MDH1B: variants seen among roughly 807,000 people sequenced by gnomAD.
MDH1B encodes malate dehydrogenase 1B.
Under a neutral mutation model 61.4 loss-of-function variants are expected in MDH1B, and 60 were observed. The ratio of observed to expected loss-of-function variants is 0.98; its 90% CI spans 0.79 to 1.21. MDH1B has a LOEUF of 1.21. Among genes scored for constraint, MDH1B ranks in the 50% most tolerant of loss-of-function variants. The probability of loss-of-function intolerance (pLI) is 0.00; values close to 1 mark genes in which losing one functional copy is unlikely to be tolerated. For synonymous variants in MDH1B, 236 were observed against 218.7 expected (o/e 1.08, Z -0.70); for missense variants, 587 against 632.1 (o/e 0.93, Z 0.76).
intron 6 of MDH1B, among the ~76,000 whole-genome samples, chr2:206,750,280 AGTAAT>A (rs1190396905): frequency 8.6e-5 from 13 of 151,282 alleles, no homozygotes; most frequent in African/African-American, 3.2e-4. Context: ...CTTTATTGGG[AGTAAT>A]CCATTTTATC....
Position 206,755,175 on chromosome 2 carries a change from A to G in MDH1B, c.744T>C (p.His248=), listed in dbSNP as rs1254987226. The G allele has an allele frequency of 6.2e-7, 1 of 1,614,096 alleles. No homozygotes were observed. Among genetic ancestry groups the G allele is most frequent in the Non-Finnish European group, 8.5e-7 (1 of 1,180,048 alleles). The part of the protein sequence containing the change: ...LYGYLIEKNA[H]ESVRVIVGGR... ...CTCCCACGATGACTCTGACAGACTC[A>G]TGAGCATTTTTCTCTATCAGGTACC... The change falls in exon 5 of 12, where the codon CAT becomes CAC. Residue 248 remains histidine (H), a synonymous_variant. Coordinates refer to ENST00000374412, the MANE Select transcript of MDH1B (RefSeq NM_001039845.3).
intron 6 of MDH1B, among the ~76,000 whole-genome samples, chr2:206,750,721 A>G (rs1688387331): frequency 6.6e-6 from 1 of 152,210 alleles, no homozygotes; most frequent in African/African-American, 2.4e-5. Flanking sequence ...GAAGGATCTG[A>G]AATATAAAAA....
chr2:206,757,813 A>T (rs11896295), intron 2 of MDH1B, among the ~76,000 whole-genome samples: 2,644 of 152,328 alleles, frequency 0.017, 86 homozygotes, highest in African/African-American at 0.059. Context: ...GTTCAGACTA[A>T]ATTAATAAGC....
In MDH1B at chr2:206,755,211, G is replaced by A. The variant is rs776960562; in HGVS notation, c.708C>T (p.Cys236=). 5.6e-6 allele frequency: 9 copies of A among 1,614,054 alleles called. No individual in the cohort carries two copies. The highest frequency in any genetic ancestry group is 6.8e-6 in the Non-Finnish European group (8 of 1,180,032). ...TCTCTATCAGGTACCCATAGAGCCT[G>A]CAGAGAGGCACCCTGCTTCGGAGGC... ...EDCLRSRVPL[C]RLYGYLIEKN... Residue 236 remains cysteine, a synonymous_variant, in exon 5 of 12, where the codon TGC becomes TGT. Coordinates refer to ENST00000374412, the MANE Select transcript of MDH1B (RefSeq NM_001039845.3).
At chr2:206,759,737 A>G (rs1317192213) in intron 2 of MDH1B, among the ~76,000 whole-genome samples, 2 of 152,242 alleles carry the variant, frequency 1.3e-5, no homozygotes, top group African/African-American at 4.8e-5. Flanking sequence ...GTTAAAGGAC[A>G]TGCTGCCACA....
intron 1 of MDH1B, 137 bp from the exon 2 acceptor site, chr2:206,761,150 C>T (rs1422358676): frequency 6.2e-6 from 3 of 484,520 alleles, no homozygotes; most frequent in Non-Finnish European, 1.1e-5. Flanking sequence ...GTATAAACTG[C>T]TATTACATAA....
At chr2:206,748,423 C>T (rs992916414) in intron 7 of MDH1B, among the ~76,000 whole-genome samples, 12 of 152,158 alleles carry the variant, frequency 7.9e-5, no homozygotes, top group Non-Finnish European at 8.8e-5. Flanking sequence ...TAGTTTTTAG[C>T]GGATTAAAAC....
In MDH1B at chr2:206,756,796, C is replaced by T. The variant is rs1688786176; in HGVS notation, c.413+102G>A. On this transcript the variant is annotated intron_variant, in intron 4 of 11. Transcript: ENST00000374412. Reference sequence around the variant, plus strand: ...GTATACATACACACAAATTTCAAACCTGACATTCAGGTATTCTTCCATCAT... The same window carrying T: ...GTATACATACACACAAATTTCAAACTTGACATTCAGGTATTCTTCCATCAT... 32 of 1,315,184 alleles carry T rather than the reference C, an allele frequency of 2.4e-5. No homozygotes were observed. In the South Asian group the frequency reaches 4.0e-4, roughly 16 times the overall value. The allele number at this position is 1,315,184 out of a possible 1,614,324, so 81.5% of individuals were successfully genotyped here.
chr2:206,747,676 C>T (rs1431375417), intron 7 of MDH1B, among the ~76,000 whole-genome samples: 2 of 152,138 alleles, frequency 1.3e-5, no homozygotes, highest in Non-Finnish European at 2.9e-5. Flanking sequence ...AAAACAGGCA[C>T]ACTATAATAT....
At chr2:206,745,894 C>CAGCT (rs1459040244) in intron 8 of MDH1B, among the ~76,000 whole-genome samples, 2 of 152,080 alleles carry the variant, frequency 1.3e-5, no homozygotes, top group Admixed American at 6.6e-5. Context: ...CCACCATGCC[C>CAGCT]AGCTAATTTT....
In MDH1B at chr2:206,760,937, C is replaced by A. The variant is rs2105955338; in HGVS notation, c.99G>T (p.Arg33=). The A allele has an allele frequency of 6.2e-7, 1 of 1,612,818 alleles. No individual in the cohort carries two copies. ...CAGGACGTTGTGTGATTTTATGTAT[C>A]CGAAAATCAGGAAGATTCTTTTGTA... The part of the protein sequence containing the change: ...DYLQKNLPDF[R]IHKITQRPEV... Residue 33 remains arginine, a synonymous_variant, in exon 2 of 12, where the codon CGG becomes CGT. Transcript: ENST00000374412.
Position 206,749,013 on chromosome 2 carries a change from G to C in MDH1B, c.1216+7C>G, listed in dbSNP as rs1379446604. On this transcript the variant is annotated splice_region_variant and intron_variant, in intron 7 of 11. Transcript: ENST00000374412. The stretch of plus-strand genomic sequence containing the variant: ...GATTTTACAAGATATGAAAAACCCA[G>C]ATTTACCTTCACTCAATATTCCTAA... The C allele has an allele frequency of 6.2e-7, 1 of 1,611,820 alleles. No individual in the cohort carries two copies. The highest frequency in any genetic ancestry group is 8.5e-7 in the Non-Finnish European group (1 of 1,179,072).
rs768688261 is a variant in MDH1B at position 206,746,298 on chromosome 2, C to T, written c.1345G>A (p.Asp449Asn). 9 of 1,613,070 alleles carry T rather than the reference C, an allele frequency of 5.6e-6. No homozygotes were observed. The highest frequency in any genetic ancestry group is 7.6e-6 in the Non-Finnish European group (9 of 1,179,576). ...TATTCTGACATTACCTGAATTAGAT[C>T]ACTTGTCATTCGGGTCATTATTTGT... is the stretch of plus-strand genomic sequence containing the variant. ...SEQIMTRMTSDLIQEKLVALG... is the reference protein window; with the variant it reads ...SEQIMTRMTSNLIQEKLVALG... Residue 449 changes from aspartate (D) to asparagine (N), a missense_variant, in exon 8 of 12, where the codon GAT becomes AAT. Asp to Asn is a conservative substitution (Grantham distance 23). Coordinates refer to ENST00000374412, the MANE Select transcript of MDH1B (RefSeq NM_001039845.3).
chr2:206,757,703 A>G (rs975657375), intron 2 of MDH1B, among the ~76,000 whole-genome samples: 1 of 152,194 alleles, frequency 6.6e-6, no homozygotes, highest in Admixed American at 6.5e-5. Flanking sequence ...AAAAAATTCA[A>G]CTAGTTTTGC....
chr2:206,745,872 T>C (rs1329338955), intron 8 of MDH1B, among the ~76,000 whole-genome samples, 199 bp from the exon 9 acceptor site: 4 of 152,108 alleles, frequency 2.6e-5, no homozygotes, highest in African/African-American at 9.6e-5. Context: ...TAGCTGGGAT[T>C]ATAGGCATGT....
chr2:206,759,806 C>A (rs939027852), intron 2 of MDH1B, among the ~76,000 whole-genome samples: 1 of 152,186 alleles, frequency 6.6e-6, no homozygotes, highest in Non-Finnish European at 1.5e-5. Flanking sequence ...GGCCAGTGGG[C>A]AGTGCCAACC....
At chr2:206,743,372 G>A (rs1324450749) in intron 9 of MDH1B, among the ~76,000 whole-genome samples, 1 of 152,128 alleles carries the variant, frequency 6.6e-6, no homozygotes, top group Admixed American at 6.5e-5. Context: ...TACATCATCA[G>A]ATTCCAGGGA....
At chr2:206,745,888 C>T (rs542408338) in intron 8 of MDH1B, among the ~76,000 whole-genome samples, 1 of 152,132 alleles carries the variant, frequency 6.6e-6, no homozygotes, top group East Asian at 1.9e-4. Context: ...CATGTGCCAC[C>T]ATGCCCAGCT....
intron 2 of MDH1B, among the ~76,000 whole-genome samples, chr2:206,758,218 G>A (rs1205309443): frequency 1.3e-5 from 2 of 152,194 alleles, no homozygotes; most frequent in Non-Finnish European, 2.9e-5. Context: ...GCATGTTAAT[G>A]TCCCAGCAGG....
Sources: gnomAD v4.1 joint callset for allele counts (sites outside exome capture counted in the v4.1 genomes callset) on GRCh38, gnomAD v4.1.1 for gene constraint, MANE v1.5 for transcripts, NCBI Gene and HGNC (gene_info 2026-07-23, HGNC 2026-07-21) for gene names.